OPCML: variants seen among roughly 807,000 people sequenced by gnomAD.
OPCML encodes opioid binding protein/cell adhesion molecule like.
OPCML carries 13 observed loss-of-function variants against 37.8 expected under a neutral mutation model. The ratio of observed to expected loss-of-function variants is 0.34; its 90% CI spans 0.22 to 0.55. The LOEUF (loss-of-function observed/expected upper bound fraction) is 0.55. OPCML is among the 20% of genes least tolerant of loss of function. OPCML has a pLI of 0.91. For synonymous variants in OPCML, 176 were observed against 168.8 expected (o/e 1.04, Z -0.33); for missense variants, 341 against 435.6 (o/e 0.78, Z 1.93).
At chr11:133,193,101 T>C (rs972611367) in intron 1 of OPCML, among the ~76,000 whole-genome samples, 3 of 152,116 alleles carry the variant, frequency 2.0e-5, no homozygotes, top group African/African-American at 7.2e-5. Flanking sequence ...GTGGTCCTTC[T>C]GGTGGTGGCA....
At chr11:132,979,094 C>T (rs1268352417) in intron 1 of OPCML, among the ~76,000 whole-genome samples, 4 of 152,196 alleles carry the variant, frequency 2.6e-5, no homozygotes, top group African/African-American at 7.2e-5. Flanking sequence ...GGCCCATCAA[C>T]AACCACTGCC....
intron 1 of OPCML, among the ~76,000 whole-genome samples, chr11:133,269,445 C>A (rs920814497): frequency 5.9e-5 from 9 of 152,218 alleles, no homozygotes; most frequent in African/African-American, 2.2e-4. Flanking sequence ...TTCACGGACA[C>A]CTTCTCACTC....
chr11:133,353,865 GT>G (rs1944199664), intron 1 of OPCML, among the ~76,000 whole-genome samples: 3 of 152,254 alleles, frequency 2.0e-5, no homozygotes, highest in African/African-American at 7.2e-5. Context: ...GCTATATGAA[GT>G]TTACCCTTCC....
intron 1 of OPCML, among the ~76,000 whole-genome samples, chr11:133,425,927 T>C (rs1200226409): frequency 6.6e-6 from 1 of 152,210 alleles, no homozygotes; most frequent in East Asian, 1.9e-4. Flanking sequence ...ACAATAATTA[T>C]TTTCCTTTAA....
At chr11:133,456,081 T>C (rs1946666367) in intron 1 of OPCML, among the ~76,000 whole-genome samples, 2 of 152,142 alleles carry the variant, frequency 1.3e-5, no homozygotes, top group South Asian at 4.1e-4. Context: ...CTCAGGCTGG[T>C]GGAAAACATG....
Position 133,141,005 on chromosome 11 carries a change from ACGAC to A in OPCML, c.62-197999_62-197996del, listed in dbSNP as rs1565469012. ...GAAGAAGAAGAAGAAGAAGACGACG[ACGAC>A]GACGACGACGACGACGACGACGACG... is the stretch of plus-strand genomic sequence containing the variant. On this transcript the variant is annotated intron_variant, in intron 1 of 7. Coordinates refer to ENST00000524381, the MANE Select transcript of OPCML (RefSeq NM_001012393.5). 5.7e-3 allele frequency among the ~76,000 whole-genome samples: 57 copies of A among 9,934 alleles called. 28 individuals carry two copies. Among genetic ancestry groups the A allele is most frequent in the Non-Finnish European group, 0.015 (48 of 3,200 alleles). The allele number at this position is 9,934 out of a possible 152,430, so 6.5% of individuals were successfully genotyped here. A position where few individuals can be genotyped will look rare whatever the true frequency, so the allele number is the denominator to read the frequency against.
At chr11:132,503,720 G>T (rs2096250542) in intron 4 of OPCML, among the ~76,000 whole-genome samples, 1 of 151,978 alleles carries the variant, frequency 6.6e-6, no homozygotes, top group Admixed American at 6.6e-5. Context: ...TGAAGACAAA[G>T]GATGCTAGTT....
intron 1 of OPCML, among the ~76,000 whole-genome samples, chr11:133,018,063 G>A (rs1340934424): frequency 6.6e-6 from 1 of 152,194 alleles, no homozygotes; most frequent in African/African-American, 2.4e-5. Flanking sequence ...GCAGGAAGGT[G>A]TCTTCTCAAG....
intron 1 of OPCML, among the ~76,000 whole-genome samples, chr11:132,958,359 A>G (rs1946013918): frequency 6.6e-6 from 1 of 152,244 alleles, no homozygotes; most frequent in Admixed American, 6.5e-5. Context: ...TTAGTTGATG[A>G]GGTTTAAGGA....
chr11:133,249,508 C>T (rs1469664720), intron 1 of OPCML, among the ~76,000 whole-genome samples: 5 of 152,122 alleles, frequency 3.3e-5, no homozygotes, highest in East Asian at 1.9e-4. Context: ...AATATCTGAA[C>T]CATATCAAAT....
At chr11:133,407,568 G>A (rs949069352) in intron 1 of OPCML, among the ~76,000 whole-genome samples, 2 of 152,102 alleles carry the variant, frequency 1.3e-5, no homozygotes, top group Non-Finnish European at 2.9e-5. Context: ...AGAATTCACA[G>A]CTGGTGAGCT....
chr11:133,365,006 T>C (rs1399029941), intron 1 of OPCML, among the ~76,000 whole-genome samples: 1 of 151,596 alleles, frequency 6.6e-6, no homozygotes, highest in Admixed American at 6.6e-5. Context: ...TTCATCAACA[T>C]GACTCTCCCC....
chr11:133,150,845 G>A (rs190951041), intron 1 of OPCML, among the ~76,000 whole-genome samples: 55 of 152,212 alleles, frequency 3.6e-4, no homozygotes, highest in African/African-American at 1.3e-3. Context: ...GATGGCCACA[G>A]GGCTGAGCAA....
intron 1 of OPCML, among the ~76,000 whole-genome samples, chr11:132,955,612 G>A (rs1474654063): frequency 1.3e-5 from 2 of 152,156 alleles, no homozygotes; most frequent in Non-Finnish European, 2.9e-5. Flanking sequence ...GGCTGGGCGC[G>A]GTGGCTCATG....
rs959888320 is a variant in OPCML at position 133,173,640 on chromosome 11, C to T, written c.62-230630G>A. On this transcript the variant is annotated intron_variant, in intron 1 of 7. Coordinates refer to ENST00000524381, the MANE Select transcript of OPCML (RefSeq NM_001012393.5). This position sits in a 1 kb window ranked among gnomAD's most constrained non-coding sequence, Gnocchi z 7.8. The stretch of plus-strand genomic sequence containing the variant: ...CTCATTGCAAAAATTAGCAGTAACG[C>T]GATGAGGCTAACGTAAGGGTAGACA... Among the ~76,000 whole-genome samples the T allele has an allele frequency of 4.6e-5, 7 of 152,144 alleles. No homozygotes were observed. Among genetic ancestry groups the T allele is most frequent in the Admixed American group, 2.0e-4 (3 of 15,276 alleles).
intron 1 of OPCML, among the ~76,000 whole-genome samples, chr11:132,999,568 TCGGG>T (rs1274662382): frequency 1.0e-5 from 1 of 95,550 alleles, no homozygotes; most frequent in Non-Finnish European, 2.2e-5. Flanking sequence ...ACAAATGGGG[TCGGG>T]GGGGGAATGC....
chr11:132,809,730 T>C (rs1164050806), intron 2 of OPCML, among the ~76,000 whole-genome samples: 1 of 152,148 alleles, frequency 6.6e-6, no homozygotes, highest in East Asian at 1.9e-4. Flanking sequence ...GGTCTCTGAA[T>C]AGTTCACATT....
intron 1 of OPCML, among the ~76,000 whole-genome samples, chr11:132,972,769 C>A (rs1389455322): frequency 6.6e-6 from 1 of 152,198 alleles, no homozygotes; most frequent in Non-Finnish European, 1.5e-5. Flanking sequence ...CAGGCCCTTC[C>A]TTGTTCTCAG....
At chr11:133,276,897 T>C (rs893164107) in intron 1 of OPCML, among the ~76,000 whole-genome samples, 5 of 152,226 alleles carry the variant, frequency 3.3e-5, no homozygotes, top group Admixed American at 3.3e-4. Flanking sequence ...TGGCCTCACT[T>C]ATTTCTTCTG....
Sources: allele counts gnomAD v4.1 joint callset (sites outside exome capture counted in the v4.1 genomes callset), GRCh38; gene constraint gnomAD v4.1.1; non-coding constraint Gnocchi (gnomAD v3.1); transcripts MANE v1.5; gene names NCBI Gene and HGNC (gene_info 2026-07-23, HGNC 2026-07-21).